TNNI3K: variants seen among roughly 807,000 people sequenced by gnomAD.
The protein encoded by TNNI3K is TNNI3 interacting kinase.
TNNI3K carries 140 observed loss-of-function variants against 114.5 expected under a neutral mutation model. That is an observed-to-expected ratio of 1.22 (90% CI 1.07 to 1.41). The LOEUF is 1.41. Among genes scored for constraint, TNNI3K ranks in the 40% most tolerant of loss-of-function variants. TNNI3K has a pLI of 0.00. For missense variants in TNNI3K, 1,125 were observed against 1,007.6 expected (o/e 1.12, Z -1.58); for synonymous variants, 347 against 347.5 (o/e 1.00, Z 0.02).
At chr1:74,291,485 C>T (rs1657674716) in intron 5 of TNNI3K, among the ~76,000 whole-genome samples, 1 of 151,302 alleles carries the variant, frequency 6.6e-6, no homozygotes, top group African/African-American at 2.4e-5. Flanking sequence ...TGTTTTATGT[C>T]GGGAATAGGT....
At chr1:74,403,699 TTGAC>T (rs1664480054) in intron 17 of TNNI3K, among the ~76,000 whole-genome samples, 1 of 152,174 alleles carries the variant, frequency 6.6e-6, no homozygotes, top group African/African-American at 2.4e-5. Context: ...ACCTAGATAA[TTGAC>T]TGAAGTTTCA....
intron 17 of TNNI3K, among the ~76,000 whole-genome samples, chr1:74,407,528 T>C (rs755042636): frequency 2.2e-4 from 34 of 152,350 alleles, no homozygotes; most frequent in Non-Finnish European, 4.1e-4. Flanking sequence ...ATAGATTTTG[T>C]TGTATTGTTT....
chr1:74,253,337 G>C (rs950941461), intron 4 of TNNI3K, among the ~76,000 whole-genome samples: 4 of 152,200 alleles, frequency 2.6e-5, no homozygotes, highest in East Asian at 1.9e-4. Flanking sequence ...CCATGTGCCT[G>C]CACTCCTCAG....
intron 5 of TNNI3K, among the ~76,000 whole-genome samples, chr1:74,293,039 A>C (rs114918972): frequency 0.022 from 3,318 of 151,756 alleles, 48 homozygotes; most frequent in Non-Finnish European, 0.034. Flanking sequence ...TTTATTGGAC[A>C]TATCTTTTTC....
intron 17 of TNNI3K, among the ~76,000 whole-genome samples, chr1:74,433,816 C>T (rs1196814958): frequency 6.6e-6 from 1 of 152,050 alleles, no homozygotes; most frequent in Admixed American, 6.6e-5. Context: ...CCAACTAAGC[C>T]ACTAGTTTAT....
At chr1:74,542,636 C>T (rs934683594) in intron 24 of TNNI3K, among the ~76,000 whole-genome samples, 1 of 152,140 alleles carries the variant, frequency 6.6e-6, no homozygotes, top group African/African-American at 2.4e-5. Context: ...TGACAAGAGA[C>T]CTTTCTTATG....
At chr1:74,524,217 T>C (rs1646472300) in intron 23 of TNNI3K, among the ~76,000 whole-genome samples, 1 of 152,184 alleles carries the variant, frequency 6.6e-6, no homozygotes, top group Admixed American at 6.5e-5. Context: ...CCATCAGAAG[T>C]ATTTAGAGGC....
intron 9 of TNNI3K, among the ~76,000 whole-genome samples, chr1:74,349,228 T>C (rs1661193932): frequency 6.6e-6 from 1 of 152,156 alleles, no homozygotes; most frequent in Non-Finnish European, 1.5e-5. Context: ...TTTCTGCATC[T>C]ATTGAGATAA....
Position 74,521,627 on chromosome 1 carries a change from G to A in TNNI3K, c.2352-18607G>A, listed in dbSNP as rs45498097. Among the ~76,000 whole-genome samples the A allele has an allele frequency of 4.5e-3, 689 of 152,088 alleles. 6 individuals carry two copies. Among genetic ancestry groups the A allele is most frequent in the African/African-American group, 0.015 (623 of 41,474 alleles). On this transcript the variant is annotated intron_variant, in intron 23 of 24. Coordinates refer to ENST00000326637, the MANE Select transcript of TNNI3K (RefSeq NM_015978.3). ...TATTTAGCAAATGATTGGTAAAGAC[G>A]CACTATATTCCTAGCATGGAGGTCA...
intron 23 of TNNI3K, among the ~76,000 whole-genome samples, chr1:74,495,775 A>C (rs544948333): frequency 4.6e-4 from 70 of 152,278 alleles, no homozygotes; most frequent in African/African-American, 1.6e-3. Flanking sequence ...TGCATGTTCC[A>C]GAAGCTTGAA....
chr1:74,436,102 G>A lies in TNNI3K; in HGVS notation c.1795G>A (p.Asp599Asn), dbSNP rs373700974. The A allele has an allele frequency of 1.2e-6, 2 of 1,605,904 alleles. No homozygotes were observed. Among genetic ancestry groups the A allele is most frequent in the Non-Finnish European group, 1.7e-6 (2 of 1,177,388 alleles). The stretch of plus-strand genomic sequence containing the variant: ...CAGTCACAATATTCTTCTCTATGAG[G>A]ATGGGCATGCTGTGGTGGCAGATTT... ...LNSHNILLYE[D>N]GHAVVADFGE... Residue 599 changes from aspartate (D) to asparagine (N), a missense_variant, in exon 18 of 25, where the codon GAT becomes AAT. Physicochemically the swap from Asp to Asn is conservative, Grantham distance 23. Coordinates refer to ENST00000326637, the MANE Select transcript of TNNI3K (RefSeq NM_015978.3).
rs1263024070 is a variant in TNNI3K, at chr1:74,349,759, A to G, written c.933-3507A>G. ...TCTAGATTTTCTAGTTTATTTGCAT[A>G]GAGGTGTTTATAGTATTCTCTGATG... On this transcript the variant is annotated intron_variant, in intron 9 of 24. Coordinates refer to ENST00000326637, the MANE Select transcript of TNNI3K (RefSeq NM_015978.3). 3.9e-5 allele frequency among the ~76,000 whole-genome samples: 6 copies of G among 152,296 alleles called. No individual in the cohort carries two copies. The East Asian group carries it at 9.7e-4, about 25-fold the overall frequency.
Position 74,369,242 on chromosome 1 carries a change from A to T in TNNI3K, c.1450A>T (p.Asn484Tyr), listed in dbSNP as rs756024675. The T allele has an allele frequency of 1.2e-5, 19 of 1,612,134 alleles. 1 individual carries two copies. In the South Asian group the frequency reaches 2.1e-4, roughly 18 times the overall value. Residue 484 changes from asparagine (N) to tyrosine (Y), a missense_variant, in exon 15 of 25, where the codon AAT (asparagine) becomes TAT (tyrosine). Coordinates refer to ENST00000326637, the MANE Select transcript of TNNI3K (RefSeq NM_015978.3). ...FGKVYKGRCR[N>Y]KIVAIKRYRA... is the part of the protein sequence containing the mutation. ...GAAAGTATATAAAGGACGATGCAGA[A>T]ATAAAATAGTGGCTATAAAACGGTA... is the stretch of plus-strand genomic sequence containing the variant.
chr1:74,509,246 AT>A (rs1670060055), intron 23 of TNNI3K, among the ~76,000 whole-genome samples: 1 of 152,172 alleles, frequency 6.6e-6, no homozygotes, highest in Non-Finnish European at 1.5e-5. Flanking sequence ...TCAAGTTGCC[AT>A]TTGGAATAAC....
chr1:74,416,696 C>G (rs6703217), intron 17 of TNNI3K: 309,761 of 446,332 alleles, frequency 0.69, 113,013 homozygotes, highest in Middle Eastern at 0.82. Context: ...TAAATATCTT[C>G]TTTTTCAAGA....
rs201650359 is a variant in TNNI3K at position 74,342,989 on chromosome 1, G to A, written c.827+3G>A. 1 of 1,613,652 alleles carries A rather than the reference G, an allele frequency of 6.2e-7. No homozygotes were observed. The highest frequency in any genetic ancestry group is 1.3e-5 in the African/African-American group (1 of 74,888). ...TATGGAGATACCCCCTTACACCTGT[G>A]AGTATTATGTAGCATTCCATAGGTT... On this transcript the variant is annotated splice_donor_region_variant and intron_variant, in intron 8 of 24. Coordinates refer to ENST00000326637, the MANE Select transcript of TNNI3K (RefSeq NM_015978.3).
At chr1:74,533,755 C>T (rs1646623806) in intron 23 of TNNI3K, among the ~76,000 whole-genome samples, 1 of 151,940 alleles carries the variant, frequency 6.6e-6, no homozygotes, top group South Asian at 2.1e-4. Flanking sequence ...AGTTCATGTC[C>T]TTTGTAGGGA....
chr1:74,455,727 G>T (rs1382006814), intron 20 of TNNI3K, among the ~76,000 whole-genome samples: 4 of 152,164 alleles, frequency 2.6e-5, no homozygotes, highest in Non-Finnish European at 2.9e-5. Flanking sequence ...AGGAGAAGGT[G>T]CATGTCACAG....
intron 17 of TNNI3K, among the ~76,000 whole-genome samples, chr1:74,429,567 T>C (rs1665796737): frequency 6.6e-6 from 1 of 152,112 alleles, no homozygotes; most frequent in Non-Finnish European, 1.5e-5. Context: ...TAGTTGCCTA[T>C]GCTGAAGGTC....
Sources: gnomAD v4.1 joint callset for allele counts (sites outside exome capture counted in the v4.1 genomes callset) on GRCh38, gnomAD v4.1.1 for gene constraint, MANE v1.5 for transcripts, NCBI Gene and HGNC (gene_info 2026-07-23, HGNC 2026-07-21) for gene names.